Variants in ASTN1 observed in about 807,000 individuals in gnomAD.
ASTN1 encodes astrotactin 1, also known as astrotactin-1.
Under a neutral mutation model 140.7 loss-of-function variants are expected in ASTN1, and 41 were observed. The observed-to-expected ratio is 0.29, with a 90% CI of 0.23 to 0.38. The LOEUF is 0.38. Ranked by LOEUF, ASTN1 falls within the 10% of genes least tolerant of loss-of-function variation. The pLI is 1.00. For synonymous variants in ASTN1, 640 were observed against 652.2 expected (o/e 0.98, Z 0.29); for missense variants, 1,479 against 1,678.8 (o/e 0.88, Z 2.08).
chr1:177,061,020 C>G, intron 2 of ASTN1, 58 bp downstream of exon 2: 1 of 1,416,474 alleles, frequency 7.1e-7, no homozygotes, highest in South Asian at 1.6e-5. Context: ...TACCAAGACC[C>G]TTAATGTCAA....
At chr1:177,048,595 C>T (rs973314312) in intron 2 of ASTN1, among the ~76,000 whole-genome samples, 1 of 152,116 alleles carries the variant, frequency 6.6e-6, no homozygotes, top group Non-Finnish European at 1.5e-5. Context: ...TGTCTCCTTC[C>T]GGGAGTATTC....
chr1:176,950,209 C>CA (rs1167912484), intron 11 of ASTN1, among the ~76,000 whole-genome samples: 3 of 152,162 alleles, frequency 2.0e-5, no homozygotes, highest in Non-Finnish European at 4.4e-5. Context: ...CTAAGGTGCT[C>CA]ACTAACTCAT....
intron 21 of ASTN1, among the ~76,000 whole-genome samples, chr1:176,875,601 A>T (rs1032102442): frequency 1.3e-5 from 2 of 152,176 alleles, no homozygotes; most frequent in African/African-American, 4.8e-5. Context: ...CCCCTTGGAC[A>T]TTCTGGGATT....
intron 1 of ASTN1, among the ~76,000 whole-genome samples, chr1:177,128,573 C>T (rs1226710545): frequency 6.6e-6 from 1 of 152,134 alleles, no homozygotes; most frequent in Non-Finnish European, 1.5e-5. Flanking sequence ...CATGTGTATG[C>T]ACCAAATATG....
At position 177,016,988 on chromosome 1, in the gene ASTN1, G is replaced by A. The variant is rs924082404; in HGVS notation, c.1439-2113C>T. Among the ~76,000 whole-genome samples the A allele has an allele frequency of 2.6e-5, 4 of 152,322 alleles. No individual in the cohort carries two copies. In the South Asian group the frequency reaches 6.2e-4, roughly 24 times the overall value. On this transcript the variant is annotated intron_variant, in intron 7 of 22. Coordinates refer to ENST00000361833, the MANE Select transcript of ASTN1 (RefSeq NM_004319.3). ...ACTCTTAGAATGGTCTCGGCTAGAC[G>A]CCTTGCCTAGAATTAGGGATTGACA...
At chr1:177,112,586 TC>T (rs1408569836) in intron 1 of ASTN1, among the ~76,000 whole-genome samples, 1 of 152,228 alleles carries the variant, frequency 6.6e-6, no homozygotes, top group Non-Finnish European at 1.5e-5. Flanking sequence ...CATCAATATT[TC>T]CACAAGGAGT....
chr1:176,899,511 C>T (rs1411998810), intron 16 of ASTN1, among the ~76,000 whole-genome samples: 8 of 152,186 alleles, frequency 5.3e-5, no homozygotes, highest in East Asian at 1.9e-4. Flanking sequence ...AATGACATCA[C>T]GGCTAGAATG....
rs369603010 is a variant in ASTN1, at chr1:177,164,554, C to G, written c.123G>C (p.Thr41=). The G allele has an allele frequency of 1.2e-6, 2 of 1,613,944 alleles. No individual in the cohort carries two copies. The highest frequency in any genetic ancestry group is 1.7e-6 in the Non-Finnish European group (2 of 1,179,922). The change falls in exon 1 of 23, where the codon ACG becomes ACC. Residue 41 remains threonine, a synonymous_variant. Transcript: ENST00000361833. Reference sequence around the variant, plus strand: ...CGCGCAGGAAGGGCAGTGCCGACACCGTGATGCTTTTGAGCTTGCACTCCA... The same window carrying G: ...CGCGCAGGAAGGGCAGTGCCGACACGGTGATGCTTTTGAGCTTGCACTCCA... ...KELECKLKSI[T]VSALPFLREN...
intron 1 of ASTN1, among the ~76,000 whole-genome samples, chr1:177,099,541 C>T (rs1475064763): frequency 6.6e-6 from 1 of 152,032 alleles, no homozygotes; most frequent in Non-Finnish European, 1.5e-5. Flanking sequence ...TGCATTATAG[C>T]TGGTGCTTGA....
intron 1 of ASTN1, among the ~76,000 whole-genome samples, chr1:177,082,078 C>A (rs192967812): frequency 2.6e-5 from 4 of 152,220 alleles, no homozygotes; most frequent in Admixed American, 2.0e-4. Flanking sequence ...AGTTTGACAT[C>A]CACATTGGAT....
At chr1:176,871,682 G>C (rs1265606177) in intron 21 of ASTN1, among the ~76,000 whole-genome samples, 1 of 152,206 alleles carries the variant, frequency 6.6e-6, no homozygotes, top group East Asian at 1.9e-4. Context: ...GGCTCCTAGA[G>C]CATGAATATT....
At chr1:177,113,277 A>G (rs1231728356) in intron 1 of ASTN1, among the ~76,000 whole-genome samples, 1 of 152,204 alleles carries the variant, frequency 6.6e-6, no homozygotes, top group Admixed American at 6.5e-5. Flanking sequence ...ATACAGCAGG[A>G]AAGAGCCCAC....
intron 16 of ASTN1, among the ~76,000 whole-genome samples, chr1:176,913,617 T>C (rs1189590793): frequency 1.3e-5 from 2 of 152,268 alleles, no homozygotes; most frequent in African/African-American, 4.8e-5. Context: ...AATTTTATTC[T>C]AAGCGATTAT....
intron 11 of ASTN1, among the ~76,000 whole-genome samples, chr1:176,956,507 C>A (rs1672412178): frequency 6.6e-6 from 1 of 152,180 alleles, no homozygotes; most frequent in Non-Finnish European, 1.5e-5. Context: ...GGTCCTCTCA[C>A]AAAGCACAGC....
At chr1:176,951,701 G>A (rs374431864) in intron 11 of ASTN1, among the ~76,000 whole-genome samples, 8 of 152,142 alleles carry the variant, frequency 5.3e-5, no homozygotes, top group Non-Finnish European at 7.3e-5. Flanking sequence ...TGGCTTTAAC[G>A]TCTAGATGAC....
chr1:176,931,735 AT>A (rs1430181871), intron 16 of ASTN1, among the ~76,000 whole-genome samples: 1 of 152,200 alleles, frequency 6.6e-6, no homozygotes, highest in African/African-American at 2.4e-5. Context: ...CTTTTACACC[AT>A]TACTACCACC....
chr1:176,975,605 T>C (rs1161123614), intron 8 of ASTN1, among the ~76,000 whole-genome samples: 1 of 152,238 alleles, frequency 6.6e-6, no homozygotes, highest in African/African-American at 2.4e-5. Flanking sequence ...GCCTGTGTTT[T>C]CATGGGGCAT....
intron 16 of ASTN1, among the ~76,000 whole-genome samples, chr1:176,897,986 C>G (rs1477576243): frequency 3.9e-5 from 6 of 152,158 alleles, no homozygotes; most frequent in Non-Finnish European, 2.9e-5. Flanking sequence ...GCTGCGACCA[C>G]AAACACTCCG....
chr1:177,048,600 G>GT (rs1332117381), intron 2 of ASTN1, among the ~76,000 whole-genome samples: 1 of 152,174 alleles, frequency 6.6e-6, no homozygotes, highest in Admixed American at 6.5e-5. Flanking sequence ...CCTTCCGGGA[G>GT]TATTCAAAGG....
Sources: allele counts gnomAD v4.1 joint callset (sites outside exome capture counted in the v4.1 genomes callset), GRCh38; gene constraint gnomAD v4.1.1; transcripts MANE v1.5; gene names NCBI Gene and HGNC (gene_info 2026-07-23, HGNC 2026-07-21).